Variants in GRIK4 observed in about 807,000 individuals in gnomAD.
The protein encoded by GRIK4 is glutamate ionotropic receptor kainate type subunit 4.
Under a neutral mutation model 104.9 loss-of-function variants are expected in GRIK4, and 40 were observed. The observed-to-expected ratio is 0.38, with a 90% CI of 0.30 to 0.50. GRIK4 has a LOEUF of 0.50. Among genes scored for constraint, GRIK4 ranks in the 20% least tolerant of loss-of-function variants. The pLI is 0.93. For missense variants in GRIK4, 1,047 were observed against 1,308.1 expected (o/e 0.80, Z 3.08); for synonymous variants, 485 against 524.9 (o/e 0.92, Z 1.04).
intron 1 of GRIK4, among the ~76,000 whole-genome samples, chr11:120,515,540 C>T (rs1441988945): frequency 6.6e-6 from 1 of 152,222 alleles, no homozygotes; most frequent in African/African-American, 2.4e-5. Flanking sequence ...TATGGGCTGG[C>T]TGAGCCCCCT....
At chr11:120,749,400 T>G (rs1951505069) in intron 3 of GRIK4, among the ~76,000 whole-genome samples, 1 of 152,122 alleles carries the variant, frequency 6.6e-6, no homozygotes, top group Non-Finnish European at 1.5e-5. Flanking sequence ...CCCGAGAGCC[T>G]CTATCTGCCC....
Position 120,952,857 on chromosome 11 carries a change from A to T in GRIK4, c.1593A>T (p.Gly531=). 1 of 1,609,036 alleles carries T rather than the reference A, an allele frequency of 6.2e-7. No homozygotes were observed. Among genetic ancestry groups the T allele is most frequent in the African/African-American group, 1.3e-5 (1 of 74,942 alleles). ...CTTGTTTTTCTCTCCATTTCCAGGG[A>T]CGCAAACCCGGCTATTTCTCCTTCC... ...GISILYRVHM[G]RKPGYFSFLD... Residue 531 remains glycine, a splice_region_variant and synonymous_variant, in exon 15 of 21, where the codon GGA becomes GGT. Coordinates refer to ENST00000527524, the MANE Select transcript of GRIK4 (RefSeq NM_014619.5). This position sits in a 1 kb window ranked among gnomAD's most constrained non-coding sequence, Gnocchi z 5.2.
At chr11:120,730,825 T>C (rs1217473804) in intron 3 of GRIK4, among the ~76,000 whole-genome samples, 1 of 152,228 alleles carries the variant, frequency 6.6e-6, no homozygotes, top group Non-Finnish European at 1.5e-5. Flanking sequence ...TATTTGTGGC[T>C]ATTTTGAATG....
At chr11:120,974,641 T>C (rs1399739247) in intron 19 of GRIK4, among the ~76,000 whole-genome samples, 1 of 152,232 alleles carries the variant, frequency 6.6e-6, no homozygotes, top group African/African-American at 2.4e-5. Context: ...CCTAACGATG[T>C]GGTGATGCCA....
At chr11:120,669,888 C>T (rs1313967319) in intron 3 of GRIK4, among the ~76,000 whole-genome samples, 2 of 152,258 alleles carry the variant, frequency 1.3e-5, no homozygotes, top group African/African-American at 2.4e-5. Flanking sequence ...TCATCTGTAG[C>T]TCTGACCCCT....
At chr11:120,715,693 TG>T (rs1414100279) in intron 3 of GRIK4, among the ~76,000 whole-genome samples, 2 of 152,180 alleles carry the variant, frequency 1.3e-5, no homozygotes, top group Non-Finnish European at 2.9e-5. Context: ...CCCAAACCTC[TG>T]GGAAGAAAAC....
chr11:120,887,830 A>T (rs573460998), intron 11 of GRIK4, among the ~76,000 whole-genome samples: 3 of 152,206 alleles, frequency 2.0e-5, no homozygotes, highest in Non-Finnish European at 4.4e-5. Flanking sequence ...GGCACTATGC[A>T]CAAGTCTGTG....
rs564239728 is a variant in GRIK4, at chr11:120,988,051, G to A, written c.*1791G>A. 1 of 152,306 alleles carries A rather than the reference G, an allele frequency of 6.6e-6. No individual in the cohort carries two copies. The highest frequency in any genetic ancestry group is 1.9e-4 in the East Asian group (1 of 5,182). 9.4% of individuals were successfully genotyped at this position (152,306 alleles called of 1,614,324 possible). On this transcript the variant is annotated 3_prime_UTR_variant, in exon 21 of 21. Transcript: ENST00000527524. ...CTTAATTCATGTTTTTGCCATTTGG[G>A]TTGGTCGGCATCCTCTTTATGCCAG...
At chr11:120,647,379 T>C (rs1484080078) in intron 1 of GRIK4, among the ~76,000 whole-genome samples, 1 of 152,184 alleles carries the variant, frequency 6.6e-6, no homozygotes, top group Non-Finnish European at 1.5e-5. Flanking sequence ...CCCATGGATT[T>C]TTTGAGAGCA....
At chr11:120,711,749 C>A (rs1950737551) in intron 3 of GRIK4, among the ~76,000 whole-genome samples, 1 of 152,222 alleles carries the variant, frequency 6.6e-6, no homozygotes, top group African/African-American at 2.4e-5. Context: ...GTACCCTGAA[C>A]CTGCAGAAGG....
At chr11:120,627,220 A>G (rs1949272019) in intron 1 of GRIK4, among the ~76,000 whole-genome samples, 1 of 152,234 alleles carries the variant, frequency 6.6e-6, no homozygotes, top group Admixed American at 6.5e-5. Flanking sequence ...ATGGAGCCCA[A>G]GTTAATCCAG....
intron 1 of GRIK4, among the ~76,000 whole-genome samples, chr11:120,603,848 A>G (rs114883673): frequency 2.0e-5 from 3 of 152,118 alleles, no homozygotes; most frequent in African/African-American, 4.8e-5. Context: ...ACATCCTACA[A>G]TGCATAGGGC....
At chr11:120,670,036 C>T (rs746772048) in intron 3 of GRIK4, among the ~76,000 whole-genome samples, 7 of 152,232 alleles carry the variant, frequency 4.6e-5, no homozygotes, top group Non-Finnish European at 7.3e-5. Flanking sequence ...TAATGCCATT[C>T]TATCTCTGTG....
At chr11:120,736,636 A>G (rs980275460) in intron 3 of GRIK4, among the ~76,000 whole-genome samples, 2 of 152,224 alleles carry the variant, frequency 1.3e-5, no homozygotes, top group Non-Finnish European at 2.9e-5. Context: ...TTCTAATTCT[A>G]ATTCTATTAT....
intron 1 of GRIK4, among the ~76,000 whole-genome samples, chr11:120,616,214 G>A (rs1774424986): frequency 1.3e-5 from 2 of 152,202 alleles, no homozygotes; most frequent in African/African-American, 4.8e-5. Flanking sequence ...GCTGTGGACT[G>A]ACCCATATTT....
At position 120,960,895 on chromosome 11, in the gene GRIK4, C is replaced by G; in HGVS notation, c.1875-14C>G. ...GCCCGGGCAATGATGACTTCCTCGT[C>G]TTTTCCTACATAGGTGGGCATTCAC... On this transcript the variant is annotated splice_polypyrimidine_tract_variant and intron_variant, in intron 16 of 20. Transcript: ENST00000527524. 6.2e-7 allele frequency: 1 copy of G among 1,609,232 alleles called. No homozygotes were observed. Among genetic ancestry groups the G allele is most frequent in the South Asian group, 1.1e-5 (1 of 90,474 alleles).
intron 8 of GRIK4, among the ~76,000 whole-genome samples, chr11:120,855,107 C>T (rs551237068): frequency 5.3e-5 from 8 of 152,230 alleles, no homozygotes; most frequent in Non-Finnish European, 1.0e-4. Context: ...CACAGGCCAG[C>T]GGGGAAGCAT....
Position 120,819,807 on chromosome 11 carries a change from G to T in GRIK4, c.398G>T (p.Arg133Ile), listed in dbSNP as rs1953061943. 1 of 1,614,188 alleles carries T rather than the reference G, an allele frequency of 6.2e-7. No homozygotes were observed. Among genetic ancestry groups the T allele is most frequent in the Non-Finnish European group, 8.5e-7 (1 of 1,180,018 alleles). Residue 133 changes from arginine (R) to isoleucine (I), a missense_variant, in exon 6 of 21, where the codon AGA (arginine) becomes ATA (isoleucine). This residue lies in a region of GRIK4 where 447 missense variants were observed against 514.9 expected (regional missense o/e 0.87). Transcript: ENST00000527524. The surrounding 1 kb of genome is among the most constrained non-coding windows in gnomAD (Gnocchi z 4.3). ...PEEFVKFQFQ[R>I]FTTLNLHPSN... ...GAGTTCGTCAAGTTCCAGTTCCAGA[G>T]ATTCACAACCCTGAACCTCCACCCC...
At chr11:120,909,638 T>C (rs1942949092) in intron 13 of GRIK4, among the ~76,000 whole-genome samples, 1 of 152,138 alleles carries the variant, frequency 6.6e-6, no homozygotes, top group East Asian at 1.9e-4. Flanking sequence ...AAGGTACATG[T>C]AATTGAAACT....
Sources: gnomAD v4.1 joint callset for allele counts (sites outside exome capture counted in the v4.1 genomes callset) on GRCh38, gnomAD v4.1.1 for gene constraint, gnomAD v4.1.1 regional missense constraint, Gnocchi (gnomAD v3.1) non-coding constraint, MANE v1.5 for transcripts, NCBI Gene and HGNC (gene_info 2026-07-23, HGNC 2026-07-21) for gene names.